CAMK2D: variants seen among roughly 807,000 people sequenced by gnomAD.
CAMK2D encodes the protein calcium/calmodulin dependent protein kinase II delta.
In CAMK2D, 37 loss-of-function variants were observed where a neutral mutation model predicts 84.0. That is an observed-to-expected ratio of 0.44 (90% CI 0.34 to 0.58). CAMK2D has a LOEUF of 0.58. CAMK2D is among the 20% of genes least tolerant of loss of function. The probability of loss-of-function intolerance (pLI) is 0.02; values close to 1 mark genes in which losing one functional copy is unlikely to be tolerated. For synonymous variants in CAMK2D, 202 were observed against 212.5 expected, an observed-to-expected ratio of 0.95 and a Z score of 0.43; for missense variants, 448 against 652.5, an observed-to-expected ratio of 0.69 and a Z score of 3.41.
intron 5 of CAMK2D, chr4:113,548,605 G>GAA: frequency 9.0e-6 from 8 of 888,032 alleles, no homozygotes; most frequent in South Asian, 3.0e-5. Context: ...CCTTTCCCCA[G>GAA]AAAAAAAAAT....
chr4:113,755,632 G>C lies in CAMK2D; in HGVS notation c.160+3688C>G, dbSNP rs545186029. 1.9e-4 allele frequency among the ~76,000 whole-genome samples: 29 copies of C among 151,686 alleles called. No homozygotes were observed. The East Asian group carries it at 5.0e-3, about 26-fold the overall frequency. ...CTTTGAAATGCAAAATAAATCACAG[G>C]TACTATTTCTAAATTATCTGCCATC... On this transcript the variant is annotated intron_variant, in intron 2 of 20. Coordinates refer to ENST00000511664, the MANE Select transcript of CAMK2D (RefSeq NM_001321571.2).
At chr4:113,516,234 T>C (rs1415977042) in intron 9 of CAMK2D, among the ~76,000 whole-genome samples, 1 of 152,172 alleles carries the variant, frequency 6.6e-6, no homozygotes, top group East Asian at 1.9e-4. Context: ...AGCTAAACAA[T>C]TGCCATTTTT....
intron 16 of CAMK2D, among the ~76,000 whole-genome samples, chr4:113,469,581 T>C (rs1468483353): frequency 6.6e-6 from 1 of 152,194 alleles, no homozygotes; most frequent in Non-Finnish European, 1.5e-5. Context: ...ATTGTTAACC[T>C]CCTTTCTAGA....
At chr4:113,574,423 G>C (rs2098770450) in intron 4 of CAMK2D, among the ~76,000 whole-genome samples, 1 of 152,134 alleles carries the variant, frequency 6.6e-6, no homozygotes, top group Non-Finnish European at 1.5e-5. Context: ...AGCTCAGAAA[G>C]GACTGTTGAA....
Position 113,670,524 on chromosome 4 carries a change from A to C in CAMK2D, c.161-8752T>G, listed in dbSNP as rs989907309. On this transcript the variant is annotated intron_variant, in intron 2 of 20. Transcript: ENST00000511664. ...ACTATTATAGAGGACTGATGAGATA[A>C]ATTTTGTATAATATATTAACTCTAC... Among the ~76,000 whole-genome samples, 4 of 152,062 alleles carry C rather than the reference A, an allele frequency of 2.6e-5. No homozygotes were observed. The East Asian group carries it at 5.8e-4, about 22-fold the overall frequency.
At chr4:113,721,485 T>G (rs909789068) in intron 2 of CAMK2D, among the ~76,000 whole-genome samples, 1 of 152,208 alleles carries the variant, frequency 6.6e-6, no homozygotes, top group South Asian at 2.1e-4. Flanking sequence ...TAATACAATA[T>G]GTAACTTTGT....
chr4:113,479,989 T>TCTAA (rs1407901883), intron 16 of CAMK2D, among the ~76,000 whole-genome samples: 2 of 152,202 alleles, frequency 1.3e-5, no homozygotes, highest in South Asian at 2.1e-4. Flanking sequence ...AGAGATGGAG[T>TCTAA]CTAACTCTGT....
At chr4:113,600,502 G>A (rs2098947196) in intron 4 of CAMK2D, among the ~76,000 whole-genome samples, 1 of 151,976 alleles carries the variant, frequency 6.6e-6, no homozygotes, top group African/African-American at 2.4e-5. Context: ...AAAAAGAATT[G>A]TCAAAGTTTC....
intron 16 of CAMK2D, among the ~76,000 whole-genome samples, chr4:113,489,587 T>A (rs1410826825): frequency 3.4e-5 from 5 of 148,930 alleles, no homozygotes; most frequent in African/African-American, 1.2e-4. Flanking sequence ...TTGTGAATAA[T>A]GCCGCAATAA....
chr4:113,538,860 T>G (rs2098511138), intron 6 of CAMK2D, among the ~76,000 whole-genome samples: 1 of 152,206 alleles, frequency 6.6e-6, no homozygotes, highest in South Asian at 2.1e-4. Context: ...TTCAGGCTAT[T>G]GTTGCTCACT....
intron 9 of CAMK2D, among the ~76,000 whole-genome samples, chr4:113,515,668 C>T (rs1180564527): frequency 1.3e-5 from 2 of 152,080 alleles, no homozygotes; most frequent in Non-Finnish European, 2.9e-5. Context: ...GCAGTAATAG[C>T]AGAGGTAATA....
Position 113,571,313 on chromosome 4 carries a change from T to C in CAMK2D, c.276-19217A>G, listed in dbSNP as rs75309067. ...GGGTATATATTCAAAGGATATAAAA[T>C]CAATACGTTGAAGAGATGTCTTCAC... is the stretch of plus-strand genomic sequence containing the variant. On this transcript the variant is annotated intron_variant, in intron 4 of 20. Transcript: ENST00000511664. Among the ~76,000 whole-genome samples the C allele has an allele frequency of 6.7e-3, 1,024 of 152,172 alleles. 12 individuals carry two copies. Among genetic ancestry groups the C allele is most frequent in the African/African-American group, 0.024 (991 of 41,540 alleles).
At chr4:113,496,661 C>G (rs940411980) in intron 16 of CAMK2D, among the ~76,000 whole-genome samples, 11 of 151,810 alleles carry the variant, frequency 7.2e-5, no homozygotes, top group African/African-American at 2.2e-4. Context: ...GTCGGTCAGG[C>G]TAGTCTTGGA....
intron 17 of CAMK2D, 102 bp from the exon 18 acceptor site, chr4:113,460,343 A>G (rs2154104799): frequency 1.3e-6 from 1 of 759,082 alleles, no homozygotes; most frequent in Non-Finnish European, 2.3e-6. Context: ...TGAAGGAAAG[A>G]GCCTCTAAAA....
chr4:113,702,810 A>C (rs2099425702), intron 2 of CAMK2D, among the ~76,000 whole-genome samples: 1 of 152,172 alleles, frequency 6.6e-6, no homozygotes, highest in South Asian at 2.1e-4. Context: ...CAGGAAGCTG[A>C]GTCATGAGAA....
At chr4:113,635,538 GGA>G (rs1279058802) in intron 3 of CAMK2D, among the ~76,000 whole-genome samples, 6 of 152,128 alleles carry the variant, frequency 3.9e-5, no homozygotes, top group Admixed American at 1.3e-4. Flanking sequence ...ACAGTACAAT[GGA>G]GTATCCAGGA....
intron 3 of CAMK2D, among the ~76,000 whole-genome samples, chr4:113,647,207 G>A (rs1040074119): frequency 2.0e-5 from 3 of 152,182 alleles, no homozygotes; most frequent in African/African-American, 7.2e-5. Context: ...AATAAAATCT[G>A]TTCTGATGAA....
intron 16 of CAMK2D, among the ~76,000 whole-genome samples, chr4:113,497,065 TA>T (rs5861136): frequency 0.47 from 71,107 of 151,244 alleles, 17,631 homozygotes; most frequent in African/African-American, 0.59. Flanking sequence ...CTTTTAGATT[TA>T]AAAAAATGTA....
intron 4 of CAMK2D, among the ~76,000 whole-genome samples, chr4:113,575,571 TC>T (rs780867081): frequency 6.6e-6 from 1 of 152,228 alleles, no homozygotes; most frequent in East Asian, 1.9e-4. Context: ...ATTTGGCCCC[TC>T]ACCAAGTCCT....
Sources: gnomAD v4.1 joint callset for allele counts (sites outside exome capture counted in the v4.1 genomes callset) on GRCh38, gnomAD v4.1.1 for gene constraint, MANE v1.5 for transcripts, NCBI Gene and HGNC (gene_info 2026-07-23, HGNC 2026-07-21) for gene names.